SNAP91: variants seen among roughly 807,000 people sequenced by gnomAD.
SNAP91 encodes synaptosome associated protein 91, also known as clathrin coat assembly protein AP180.
SNAP91 carries 27 observed loss-of-function variants against 100.3 expected under a neutral mutation model. That is an observed-to-expected ratio of 0.27 (90% CI 0.20 to 0.37). The LOEUF is 0.37. Ranked by LOEUF, SNAP91 falls within the 10% of genes least tolerant of loss-of-function variation. The pLI, the probability that SNAP91 is intolerant of heterozygous loss-of-function variation, is 1.00. For synonymous variants in SNAP91, 404 were observed against 398.6 expected, an observed-to-expected ratio of 1.01 and a Z score of -0.16; for missense variants, 986 against 1,123.7, an observed-to-expected ratio of 0.88 and a Z score of 1.75.
chr6:83,670,440 T>C (rs2128814774), intron 2 of SNAP91, among the ~76,000 whole-genome samples: 1 of 152,024 alleles, frequency 6.6e-6, no homozygotes, highest in East Asian at 1.9e-4. Flanking sequence ...TCAAGTCCTC[T>C]ATCATACATG....
At chr6:83,702,056 AG>A (rs1293282281) in intron 2 of SNAP91, among the ~76,000 whole-genome samples, 1 of 152,260 alleles carries the variant, frequency 6.6e-6, no homozygotes, top group Non-Finnish European at 1.5e-5. Flanking sequence ...TAAATGCCTA[AG>A]AAAAAACACA....
At chr6:83,592,803 T>A (rs1325728575) in intron 20 of SNAP91, 143 bp downstream of exon 20, 2 of 744,572 alleles carry the variant, frequency 2.7e-6, no homozygotes, top group Non-Finnish European at 4.4e-6. Flanking sequence ...CAACGGTTGA[T>A]GATGGTCCCA....
chr6:83,671,324 T>G (rs1400944669), intron 2 of SNAP91, among the ~76,000 whole-genome samples: 8 of 152,228 alleles, frequency 5.3e-5, no homozygotes, highest in African/African-American at 1.9e-4. Context: ...TTGAGAAATA[T>G]AAATGATTTC....
intron 1 of SNAP91, 95 bp downstream of exon 1, chr6:83,708,750 G>C (rs1018439359): frequency 6.6e-6 from 1 of 152,264 alleles, no homozygotes; most frequent in Admixed American, 6.5e-5. Flanking sequence ...CTGTCACTCG[G>C]CCGCTGCCCT....
intron 8 of SNAP91, among the ~76,000 whole-genome samples, chr6:83,630,354 T>G (rs1357336841): frequency 6.6e-6 from 1 of 152,114 alleles, no homozygotes; most frequent in African/African-American, 2.4e-5. Flanking sequence ...AGGGTGATAC[T>G]GGGCTAACAG....
intron 2 of SNAP91, among the ~76,000 whole-genome samples, chr6:83,676,068 C>A (rs7740460): frequency 0.064 from 9,609 of 151,136 alleles, 978 homozygotes; most frequent in African/African-American, 0.22. Context: ...CTATGATTGC[C>A]TCACTGCACT....
At chr6:83,555,241 A>G (rs1209842208) in intron 29 of SNAP91, among the ~76,000 whole-genome samples, 2 of 152,168 alleles carry the variant, frequency 1.3e-5, no homozygotes, top group African/African-American at 4.8e-5. Context: ...AAACAAATCA[A>G]GAATCCACAA....
chr6:83,611,348 C>A (rs751780644), intron 11 of SNAP91: 1 of 350,498 alleles, frequency 2.9e-6, no homozygotes, highest in Non-Finnish European at 5.7e-6. Flanking sequence ...ATTAGGAAGG[C>A]GTGAATTTTA....
intron 7 of SNAP91, among the ~76,000 whole-genome samples, chr6:83,646,488 G>A (rs1415084086): frequency 1.3e-5 from 2 of 152,130 alleles, no homozygotes; most frequent in Non-Finnish European, 2.9e-5. Flanking sequence ...GATTATCTTT[G>A]CTCCTTTATT....
At chr6:83,631,934 T>C (rs764694766) in intron 8 of SNAP91, among the ~76,000 whole-genome samples, 4 of 152,146 alleles carry the variant, frequency 2.6e-5, no homozygotes, top group Non-Finnish European at 5.9e-5. Context: ...TATATATTTT[T>C]TATAGGTCCT....
intron 6 of SNAP91, among the ~76,000 whole-genome samples, chr6:83,657,250 G>A (rs182079331): frequency 7.0e-4 from 107 of 152,230 alleles, no homozygotes; most frequent in Admixed American, 7.0e-3. Context: ...GGCCTGCAAT[G>A]ACTCAGTGTG....
chr6:83,594,335 A>G, intron 17 of SNAP91, 39 bp downstream of exon 17: 1 of 1,472,610 alleles, frequency 6.8e-7, no homozygotes, highest in Non-Finnish European at 9.3e-7. Context: ...TTACATTAGG[A>G]CAGAAGAATA....
intron 8 of SNAP91, among the ~76,000 whole-genome samples, chr6:83,623,943 C>A (rs1406449182): frequency 6.6e-6 from 1 of 151,990 alleles, no homozygotes; most frequent in Non-Finnish European, 1.5e-5. Flanking sequence ...TATCAACACA[C>A]AGAATATCCT....
chr6:83,560,511 A>G (rs1785487337), intron 27 of SNAP91, among the ~76,000 whole-genome samples: 1 of 152,212 alleles, frequency 6.6e-6, no homozygotes, highest in Non-Finnish European at 1.5e-5. Context: ...TTGTTTCTTT[A>G]TGAAAGATGG....
chr6:83,708,807 G>C (rs1217717423), intron 1 of SNAP91, 38 bp downstream of exon 1: 1 of 152,072 alleles, frequency 6.6e-6, no homozygotes, highest in African/African-American at 2.4e-5. Context: ...CGAGACCCTG[G>C]CGCGGGGAGG....
chr6:83,558,933 C>G (rs1782937828), intron 28 of SNAP91, among the ~76,000 whole-genome samples: 1 of 152,146 alleles, frequency 6.6e-6, no homozygotes, highest in Non-Finnish European at 1.5e-5. Flanking sequence ...AGACTAGCAC[C>G]ACTAGCAGCA....
chr6:83,629,170 G>GTT (rs1369768322), intron 8 of SNAP91, among the ~76,000 whole-genome samples: 1 of 152,046 alleles, frequency 6.6e-6, no homozygotes, highest in Non-Finnish European at 1.5e-5. Context: ...TCAGTAAGCT[G>GTT]TAAGTATTTG....
At position 83,607,720 on chromosome 6, in the gene SNAP91, G is replaced by A. The variant is rs2095723068; in HGVS notation, c.1001C>T (p.Ala334Val). 3.8e-6 allele frequency: 6 copies of A among 1,584,572 alleles called. No homozygotes were observed. The highest frequency in any genetic ancestry group is 5.2e-6 in the Non-Finnish European group (6 of 1,164,252). Residue 334 changes from alanine to valine, a missense_variant, in exon 13 of 30, where the codon GCA (alanine) becomes GTA (valine). Transcript: ENST00000369694. ...TSPPVDLFAT[A>V]SAAVPVSTSK... ...CAACCTGACTGGGACAGCCGCAGATGCAGTTGCAAATAAATCAACCGGTGG... is the reference window on the plus strand; with the variant it reads ...CAACCTGACTGGGACAGCCGCAGATACAGTTGCAAATAAATCAACCGGTGG...
chr6:83,587,488 ATTTAT>A (rs1250977245), intron 22 of SNAP91, among the ~76,000 whole-genome samples: 1 of 151,918 alleles, frequency 6.6e-6, no homozygotes, highest in Non-Finnish European at 1.5e-5. Flanking sequence ...GACTAGGCTC[ATTTAT>A]TTATTTTTTT....
Sources: allele counts gnomAD v4.1 joint callset (sites outside exome capture counted in the v4.1 genomes callset), GRCh38; gene constraint gnomAD v4.1.1; transcripts MANE v1.5; gene names NCBI Gene and HGNC (gene_info 2026-07-23, HGNC 2026-07-21).